Variants in PRLR observed in about 807,000 individuals in gnomAD.
PRLR encodes prolactin receptor.
PRLR carries 13 observed loss-of-function variants against 40.2 expected under a neutral mutation model. The observed-to-expected ratio is 0.32, with a 90% CI of 0.21 to 0.51. The LOEUF (loss-of-function observed/expected upper bound fraction) is 0.51. PRLR is among the 20% of genes least tolerant of loss of function. The pLI is 0.97. For missense variants in PRLR, 656 were observed against 747.3 expected, an observed-to-expected ratio of 0.88 and a Z score of 1.42; for synonymous variants, 269 against 278.7, an observed-to-expected ratio of 0.97 and a Z score of 0.35.
intron 1 of PRLR, among the ~76,000 whole-genome samples, chr5:35,206,658 T>C (rs1247468302): frequency 6.6e-6 from 1 of 152,032 alleles, no homozygotes; most frequent in Non-Finnish European, 1.5e-5. Flanking sequence ...CTTTGCTAAG[T>C]ATAAGATATG....
intron 2 of PRLR, among the ~76,000 whole-genome samples, chr5:35,110,009 C>T (rs1021805001): frequency 6.6e-6 from 1 of 152,182 alleles, no homozygotes; most frequent in Non-Finnish European, 1.5e-5. Context: ...AAATGTGGCA[C>T]ATATACACCA....
At chr5:35,100,868 G>C (rs987038316) in intron 2 of PRLR, among the ~76,000 whole-genome samples, 1 of 152,188 alleles carries the variant, frequency 6.6e-6, no homozygotes, top group African/African-American at 2.4e-5. Context: ...CAGATGAAAG[G>C]CTCTTGAGTT....
intron 5 of PRLR, among the ~76,000 whole-genome samples, chr5:35,078,838 C>T (rs1770299633): frequency 6.6e-6 from 1 of 152,132 alleles, no homozygotes; most frequent in African/African-American, 2.4e-5. Context: ...AATCCAGCAG[C>T]AAATCAAAAA....
At chr5:35,053,722 T>G (rs979868568), downstream of PRLR, among the ~76,000 whole-genome samples, 1 of 152,190 alleles carries the variant, frequency 6.6e-6, no homozygotes, top group Non-Finnish European at 1.5e-5. Flanking sequence ...AGGCACAATA[T>G]TATAAAGATG....
At chr5:35,175,542 A>T (rs540691759) in intron 1 of PRLR, among the ~76,000 whole-genome samples, 1 of 150,980 alleles carries the variant, frequency 6.6e-6, no homozygotes, top group East Asian at 2.0e-4. Flanking sequence ...GTAGATGTGG[A>T]TGCCTTGGGA....
intron 1 of PRLR, among the ~76,000 whole-genome samples, chr5:35,191,036 ATGTGT>A: frequency 6.9e-6 from 1 of 144,236 alleles, no homozygotes; most frequent in Middle Eastern, 3.6e-3. Flanking sequence ...CAATTAACAG[ATGTGT>A]TATTTTCTTT....
intron 1 of PRLR, among the ~76,000 whole-genome samples, chr5:35,177,069 G>A (rs1334053284): frequency 6.6e-6 from 1 of 152,154 alleles, no homozygotes; most frequent in Non-Finnish European, 1.5e-5. Context: ...CCTTTACAGT[G>A]TCTATGATGC....
In PRLR at chr5:35,090,644, C is replaced by T. The variant is rs181639277; in HGVS notation, c.-43-981G>A. On this transcript the variant is annotated intron_variant, in intron 2 of 9. Coordinates refer to ENST00000618457, the MANE Select transcript of PRLR (RefSeq NM_000949.7). Reference sequence around the variant, plus strand: ...GAAGAACATTCAGGATCAAAGCTGCCGATCTTGGGACATTTGAAACGTCTG... The same window carrying T: ...GAAGAACATTCAGGATCAAAGCTGCTGATCTTGGGACATTTGAAACGTCTG... Among the ~76,000 whole-genome samples the T allele has an allele frequency of 1.6e-4, 24 of 151,822 alleles. No homozygotes were observed. In the South Asian group the frequency reaches 1.7e-3, roughly 11 times the overall value.
intron 1 of PRLR, among the ~76,000 whole-genome samples, chr5:35,222,318 C>T (rs907937359): frequency 5.3e-5 from 8 of 149,908 alleles, no homozygotes; most frequent in African/African-American, 2.0e-4. Flanking sequence ...AAAAAAAAAG[C>T]AGCTGTTTAA....
rs573570308 is a variant in PRLR, at chr5:35,057,173, C to T, written c.*7916G>A. ...ATCTCCTTGTATCTGGTTCCATCTC[C>T]CCTCATTTTTCTCAGCCTCCCATGT... is the stretch of plus-strand genomic sequence containing the variant. On this transcript the variant is annotated 3_prime_UTR_variant, in exon 10 of 10. Transcript: ENST00000618457. 2.0e-4 allele frequency: 31 copies of T among 152,156 alleles called. No homozygotes were observed. Among genetic ancestry groups the T allele is most frequent in the African/African-American group, 7.2e-4 (30 of 41,512 alleles). 9.4% of individuals were successfully genotyped at this position (152,156 alleles called of 1,614,324 possible).
intron 1 of PRLR, among the ~76,000 whole-genome samples, chr5:35,185,244 A>C (rs1333599599): frequency 2.6e-5 from 4 of 152,186 alleles, no homozygotes; most frequent in Non-Finnish European, 5.9e-5. Context: ...CATAGTGGGT[A>C]TATGTAGCCA....
At chr5:35,085,786 C>T (rs997858239) in intron 4 of PRLR, among the ~76,000 whole-genome samples, 3 of 152,190 alleles carry the variant, frequency 2.0e-5, no homozygotes, top group African/African-American at 7.2e-5. Flanking sequence ...AGAAACACTT[C>T]TATGGGGCCT....
chr5:35,178,340 T>C (rs1407968143), intron 1 of PRLR, among the ~76,000 whole-genome samples: 1 of 152,208 alleles, frequency 6.6e-6, no homozygotes, highest in Non-Finnish European at 1.5e-5. Context: ...CATATACATA[T>C]ACTGAGTATC....
At chr5:35,191,053 T>C (rs1276696758) in intron 1 of PRLR, among the ~76,000 whole-genome samples, 3 of 3,886 alleles carry the variant, frequency 7.7e-4, no homozygotes, top group African/African-American at 2.0e-3. Context: ...ATTTTCTTTT[T>C]TTTTTTTTTT....
intron 1 of PRLR, among the ~76,000 whole-genome samples, chr5:35,188,099 C>T (rs139854500): frequency 1.8e-3 from 271 of 152,316 alleles, no homozygotes; most frequent in African/African-American, 6.4e-3. Flanking sequence ...CCTGCTACTG[C>T]AGTCACCTGG....
intron 5 of PRLR, 129 bp from the exon 6 acceptor site, chr5:35,072,873 A>T: frequency 9.4e-7 from 1 of 1,061,194 alleles, no homozygotes; most frequent in Non-Finnish European, 1.3e-6. Context: ...AAGCCCCCCA[A>T]ATACCCGGGC....
intron 1 of PRLR, among the ~76,000 whole-genome samples, chr5:35,160,609 G>A (rs1774646408): frequency 6.6e-6 from 1 of 152,176 alleles, no homozygotes; most frequent in Non-Finnish European, 1.5e-5. Context: ...CACAAGATAT[G>A]CAAATTCCCC....
Position 35,065,847 on chromosome 5 carries a change from G to T in PRLR, c.1111C>A (p.Pro371Thr). 3 of 1,614,148 alleles carry T rather than the reference G, an allele frequency of 1.9e-6. No individual in the cohort carries two copies. The highest frequency in any genetic ancestry group is 8.5e-7 in the Non-Finnish European group (1 of 1,180,012). ...SEKCEEPQANPSTFYDPEVIE... is the reference protein window; with the variant it reads ...SEKCEEPQANTSTFYDPEVIE... ...ACCTCAGGATCATAGAATGTGGAGG[G>T]ATTGGCCTGGGGTTCCTCACACTTT... is the stretch of plus-strand genomic sequence containing the variant. Residue 371 changes from proline (P) to threonine (T), a missense_variant, in exon 10 of 10, where the codon CCC (proline) becomes ACC (threonine). Coordinates refer to ENST00000618457, the MANE Select transcript of PRLR (RefSeq NM_000949.7).
chr5:35,116,329 G>A (rs1368810314), intron 2 of PRLR, among the ~76,000 whole-genome samples: 1 of 152,250 alleles, frequency 6.6e-6, no homozygotes, highest in Admixed American at 6.5e-5. Context: ...TTTAAAAAAG[G>A]ATTTCTGGTT....
Sources: gnomAD v4.1 joint callset for allele counts (sites outside exome capture counted in the v4.1 genomes callset) on GRCh38, gnomAD v4.1.1 for gene constraint, MANE v1.5 for transcripts, NCBI Gene and HGNC (gene_info 2026-07-23, HGNC 2026-07-21) for gene names.